Variants in FANCI observed in about 807,000 individuals in gnomAD.
FANCI encodes FA complementation group I.
In FANCI, 156 loss-of-function variants were observed where a neutral mutation model predicts 176.1. That is an observed-to-expected ratio of 0.89 (90% CI 0.78 to 1.01). FANCI has a LOEUF of 1.01. Ranked by LOEUF, FANCI falls within the 50% of genes least tolerant of loss-of-function variation. FANCI has a pLI of 0.00. For synonymous variants in FANCI, 613 were observed against 541.7 expected, an observed-to-expected ratio of 1.13 and a Z score of -1.83; for missense variants, 1,678 against 1,534.1, an observed-to-expected ratio of 1.09 and a Z score of -1.57.
At chr15:89,314,914 C>A (rs2055157658) in intron 36 of FANCI, among the ~76,000 whole-genome samples, 1 of 138,736 alleles carries the variant, frequency 7.2e-6, no homozygotes, top group Admixed American at 8.2e-5. Flanking sequence ...AAGTGATCCT[C>A]TGGCCTCAGC....
intron 24 of FANCI, among the ~76,000 whole-genome samples, chr15:89,298,948 A>G (rs1171470527): frequency 1.3e-5 from 2 of 152,156 alleles, no homozygotes; most frequent in African/African-American, 4.8e-5. Context: ...AAGCAGGTGG[A>G]TCACCTGAGG....
intron 2 of FANCI, among the ~76,000 whole-genome samples, chr15:89,249,222 AT>A (rs1320187103): frequency 6.6e-6 from 1 of 152,250 alleles, no homozygotes; most frequent in Non-Finnish European, 1.5e-5. Context: ...AGAGTAAAAA[AT>A]TATAAAACAC....
At chr15:89,313,848 T>C (rs1324703037) in intron 35 of FANCI, among the ~76,000 whole-genome samples, 2 of 151,990 alleles carry the variant, frequency 1.3e-5, no homozygotes, top group African/African-American at 4.8e-5. Context: ...TCTGGAATTA[T>C]CTCCAAGATA....
At chr15:89,260,663 C>T in intron 3 of FANCI, 50 bp from the exon 4 acceptor site, 1 of 1,607,564 alleles carries the variant, frequency 6.2e-7, no homozygotes, top group Non-Finnish European at 8.5e-7. Flanking sequence ...TCCTATTTAC[C>T]TGTCAATGTT....
Position 89,312,884 on chromosome 15 carries a change from A to AT in FANCI, c.3652-19dup. 6.3e-7 allele frequency: 1 copy of AT among 1,594,228 alleles called. No homozygotes were observed. ...CAGAAAAATCATCAGGAATAAGAGAATGTGTTTCTATTTCTTTAGAATAAG... is the reference window on the plus strand; with the variant it reads ...CAGAAAAATCATCAGGAATAAGAGAATTGTGTTTCTATTTCTTTAGAATAAG... On this transcript the variant is annotated intron_variant, in intron 34 of 37. Coordinates refer to ENST00000310775, the MANE Select transcript of FANCI (RefSeq NM_001113378.2).
chr15:89,258,878 T>C, intron 3 of FANCI, 102 bp downstream of exon 3: 1 of 887,766 alleles, frequency 1.1e-6, no homozygotes, highest in South Asian at 1.3e-5. Context: ...CTGGAACATT[T>C]TCCATGTTTT....
chr15:89,265,714 G>T (rs959786850), intron 9 of FANCI, among the ~76,000 whole-genome samples: 1 of 151,394 alleles, frequency 6.6e-6, no homozygotes, highest in Non-Finnish European at 1.5e-5. Flanking sequence ...TAGTAGCGAT[G>T]GGGTTTCACC....
At chr15:89,305,773 A>AATTTCTT in intron 31 of FANCI, 75 bp downstream of exon 31, 1 of 1,462,840 alleles carries the variant, frequency 6.8e-7, no homozygotes, top group Middle Eastern at 1.8e-4. Context: ...GGTGCATAAA[A>AATTTCTT]ATGGAGCCCC....
At chr15:89,261,944 T>C (rs2052727350) in intron 6 of FANCI, 66 bp downstream of exon 6, 2 of 1,456,922 alleles carry the variant, frequency 1.4e-6, no homozygotes, top group East Asian at 4.6e-5. Flanking sequence ...CCACTTTATT[T>C]CAGGAATTTA....
intron 14 of FANCI, among the ~76,000 whole-genome samples, chr15:89,280,726 T>C (rs138728093): frequency 6.6e-6 from 1 of 152,224 alleles, no homozygotes; most frequent in African/African-American, 2.4e-5. Flanking sequence ...ATTTACCTCT[T>C]TAATTCTTTA....
intron 8 of FANCI, 147 bp downstream of exon 8, chr15:89,264,173 T>C (rs1435141081): frequency 2.1e-6 from 2 of 930,288 alleles, no homozygotes; most frequent in Non-Finnish European, 3.5e-6. Context: ...TAGCCGAACA[T>C]AGATGCTTTC....
chr15:89,255,903 G>C (rs571553357), intron 2 of FANCI, among the ~76,000 whole-genome samples: 1 of 152,322 alleles, frequency 6.6e-6, no homozygotes, highest in East Asian at 1.9e-4. Flanking sequence ...CATTCGTTGA[G>C]TACTTGTCGT....
In FANCI at chr15:89,283,216, C is replaced by A. The variant is rs566704199; in HGVS notation, c.1664C>A (p.Ser555Tyr). Residue 555 changes from serine (S) to tyrosine (Y), a missense_variant, in exon 17 of 38, where the codon TCC becomes TAC. Coordinates refer to ENST00000310775, the MANE Select transcript of FANCI (RefSeq NM_001113378.2). ...KNFKVLGSLS[S>Y]SQCSQSLSVS... ...TTTAAAGTTTTAGGCAGCCTGTCAT[C>A]CTCTCAGTGCAGTCAGTCTCTCAGT... 3.7e-6 allele frequency: 6 copies of A among 1,614,080 alleles called. No individual in the cohort carries two copies. In the East Asian group the frequency reaches 8.9e-5, roughly 24 times the overall value.
Position 89,283,326 on chromosome 15 carries a change from T to G in FANCI, c.1698+76T>G. On this transcript the variant is annotated intron_variant, in intron 17 of 37. Coordinates refer to ENST00000310775, the MANE Select transcript of FANCI (RefSeq NM_001113378.2). Reference sequence around the variant, plus strand: ...TCGATGAAATGCACGCTGTTTTCTTTTATTCCTGTTATGGTTGTAAGAATG... The same window carrying G: ...TCGATGAAATGCACGCTGTTTTCTTGTATTCCTGTTATGGTTGTAAGAATG... 3.1e-6 allele frequency: 5 copies of G among 1,599,530 alleles called. No individual in the cohort carries two copies. In the South Asian group the frequency reaches 5.5e-5, roughly 18 times the overall value.
intron 25 of FANCI, 70 bp downstream of exon 25, chr15:89,300,036 T>A (rs1039441881): frequency 6.4e-7 from 1 of 1,551,612 alleles, no homozygotes; most frequent in African/African-American, 1.4e-5. Flanking sequence ...TAATTCCATT[T>A]GTTAACCTAC....
At chr15:89,285,239 G>A (rs1211966463) in intron 18 of FANCI, 21 bp downstream of exon 18, 8 of 1,613,714 alleles carry the variant, frequency 5.0e-6, no homozygotes, top group African/African-American at 1.3e-5. Flanking sequence ...AGAATGGAAA[G>A]AATGTAGCAA....
Position 89,260,857 on chromosome 15 carries a change from C to G in FANCI, c.288+14C>G, listed in dbSNP as rs758887322. The G allele has an allele frequency of 1.2e-6, 2 of 1,612,814 alleles. No individual in the cohort carries two copies. The highest frequency in any genetic ancestry group is 1.7e-6 in the Non-Finnish European group (2 of 1,179,190). On this transcript the variant is annotated intron_variant, in intron 4 of 37. Coordinates refer to ENST00000310775, the MANE Select transcript of FANCI (RefSeq NM_001113378.2). The stretch of plus-strand genomic sequence containing the variant: ...CTGATGCTGGAGGTAAGATGGCAAA[C>G]AAAAACTTTTATTTGGGGGTAGGTT...
At chr15:89,280,245 C>T (rs1418201719) in intron 14 of FANCI, among the ~76,000 whole-genome samples, 2 of 152,162 alleles carry the variant, frequency 1.3e-5, no homozygotes, top group Admixed American at 6.5e-5. Flanking sequence ...TGGTCTCAAT[C>T]TCTTGACCTC....
chr15:89,264,386 CTTA>C lies in FANCI; in HGVS notation c.670-135_670-133del, dbSNP rs944271960. The stretch of plus-strand genomic sequence containing the variant: ...TCAACATGAAAGTGTTCTATACATT[CTTA>C]GTTTGAGTCTAAGTCATAGATTATT... On this transcript the variant is annotated intron_variant, in intron 8 of 37. Coordinates refer to ENST00000310775, the MANE Select transcript of FANCI (RefSeq NM_001113378.2). 1.0e-5 allele frequency: 8 copies of C among 764,288 alleles called. No individual in the cohort carries two copies. In the African/African-American group the frequency reaches 1.4e-4, roughly 13 times the overall value. The allele number at this position is 764,288 out of a possible 1,614,324, so 47.3% of individuals were successfully genotyped here.
Sources: allele counts gnomAD v4.1 joint callset (sites outside exome capture counted in the v4.1 genomes callset), GRCh38; gene constraint gnomAD v4.1.1; transcripts MANE v1.5; gene names NCBI Gene and HGNC (gene_info 2026-07-23, HGNC 2026-07-21).